Variants in ZBTB20 observed in about 807,000 individuals in gnomAD.
The protein encoded by ZBTB20 is zinc finger and BTB domain-containing protein 20.
Under a neutral mutation model 56.9 loss-of-function variants are expected in ZBTB20, and 9 were observed. That is an observed-to-expected ratio of 0.16 (90% CI 0.10 to 0.28). ZBTB20 has a LOEUF of 0.28. ZBTB20 is among the 10% of genes least tolerant of loss of function. The pLI, the probability that ZBTB20 is intolerant of heterozygous loss-of-function variation, is 1.00. For synonymous variants in ZBTB20, 417 were observed against 420.7 expected (o/e 0.99, Z 0.11); for missense variants, 655 against 1,003.0 (o/e 0.65, Z 4.69).
intron 11 of ZBTB20, among the ~76,000 whole-genome samples, chr3:114,349,092 T>C (rs747331748): frequency 1.9e-4 from 29 of 150,920 alleles, no homozygotes; most frequent in African/African-American, 2.7e-4. Flanking sequence ...CCCAGCTACT[T>C]GGGAGGCTGA....
At chr3:114,781,754 T>C (rs1354057840) in intron 5 of ZBTB20, among the ~76,000 whole-genome samples, 1 of 152,140 alleles carries the variant, frequency 6.6e-6, no homozygotes, top group Non-Finnish European at 1.5e-5. Context: ...AACTGAATCA[T>C]GGGGGCGGTT....
At chr3:114,743,850 A>T (rs566850389) in intron 5 of ZBTB20, 2 of 152,314 alleles carry the variant, frequency 1.3e-5, no homozygotes, top group East Asian at 3.9e-4. Flanking sequence ...GAAATTTCAA[A>T]ATTCTCTCAC....
At chr3:114,864,085 A>G (rs922921579) in intron 4 of ZBTB20, among the ~76,000 whole-genome samples, 2 of 152,106 alleles carry the variant, frequency 1.3e-5, no homozygotes, top group African/African-American at 2.4e-5. Flanking sequence ...AACTAGATAC[A>G]GGTGACAGAT....
chr3:114,846,048 A>G (rs2074685750), intron 4 of ZBTB20, among the ~76,000 whole-genome samples: 1 of 152,232 alleles, frequency 6.6e-6, no homozygotes, highest in Non-Finnish European at 1.5e-5. Flanking sequence ...TACCAGAGAT[A>G]TAGATAGGTG....
chr3:115,043,658 C>T (rs2081233681), intron 2 of ZBTB20, among the ~76,000 whole-genome samples: 1 of 149,284 alleles, frequency 6.7e-6, no homozygotes, highest in African/African-American at 2.5e-5. Flanking sequence ...GTAGTTGAAA[C>T]CAGAAAAAAA....
chr3:114,958,572 G>A (rs962656131), intron 3 of ZBTB20, among the ~76,000 whole-genome samples: 14 of 152,092 alleles, frequency 9.2e-5, no homozygotes, highest in Admixed American at 2.6e-4. Context: ...TTTGGGCTGG[G>A]CGCAGTGGCT....
chr3:114,457,090 C>T (rs1051499733), intron 7 of ZBTB20, among the ~76,000 whole-genome samples: 5 of 152,340 alleles, frequency 3.3e-5, no homozygotes, highest in African/African-American at 9.6e-5. Context: ...ATGGCAGATC[C>T]TTTGGCAAGC....
chr3:114,626,467 T>A (rs989783242), intron 6 of ZBTB20, among the ~76,000 whole-genome samples: 4 of 152,192 alleles, frequency 2.6e-5, no homozygotes, highest in Admixed American at 2.6e-4. Context: ...TATCATATCA[T>A]CTTTATAAGT....
At chr3:114,781,270 A>G (rs1485973020) in intron 5 of ZBTB20, among the ~76,000 whole-genome samples, 1 of 152,160 alleles carries the variant, frequency 6.6e-6, no homozygotes, top group Non-Finnish European at 1.5e-5. Context: ...AACAACAGTG[A>G]CTATTTACAA....
intron 6 of ZBTB20, among the ~76,000 whole-genome samples, chr3:114,501,897 T>C (rs1017842387): frequency 2.0e-5 from 3 of 151,398 alleles, no homozygotes; most frequent in Non-Finnish European, 1.5e-5. Context: ...TTAGTAGAAA[T>C]GGGGTTTGCC....
chr3:114,913,316 G>A (rs147183003), intron 3 of ZBTB20, among the ~76,000 whole-genome samples: 1,856 of 152,062 alleles, frequency 0.012, 42 homozygotes, highest in African/African-American at 0.041. Context: ...GTTTTGATTT[G>A]CATTTCTCTG....
intron 4 of ZBTB20, among the ~76,000 whole-genome samples, 171 bp from the exon 5 acceptor site, chr3:114,801,345 G>GA (rs978773621): frequency 2.1e-5 from 1 of 48,326 alleles, no homozygotes; most frequent in African/African-American, 8.1e-5. Flanking sequence ...AAAAAAAAAA[G>GA]AAAAAACCCT....
At chr3:115,051,938 C>T (rs1010871869) in intron 2 of ZBTB20, among the ~76,000 whole-genome samples, 4 of 151,922 alleles carry the variant, frequency 2.6e-5, no homozygotes, top group African/African-American at 7.3e-5. Context: ...AAGTGCTACA[C>T]ACTTTTAACC....
At chr3:114,524,377 G>A (rs903662327) in intron 6 of ZBTB20, among the ~76,000 whole-genome samples, 16 of 152,170 alleles carry the variant, frequency 1.1e-4, no homozygotes, top group African/African-American at 3.9e-4. Context: ...ATCATGAGAA[G>A]TTCAAGAAAT....
chr3:114,638,682 T>A (rs888274273), intron 6 of ZBTB20, among the ~76,000 whole-genome samples: 1 of 152,022 alleles, frequency 6.6e-6, no homozygotes, highest in African/African-American at 2.4e-5. Context: ...TTTGGATTAG[T>A]ATCAGAAAAG....
intron 3 of ZBTB20, among the ~76,000 whole-genome samples, chr3:114,925,655 C>T (rs748616662): frequency 2.0e-5 from 3 of 151,886 alleles, no homozygotes; most frequent in Non-Finnish European, 4.4e-5. Flanking sequence ...GCCTCCCGAG[C>T]AGCTGGGACT....
intron 3 of ZBTB20, among the ~76,000 whole-genome samples, chr3:114,948,484 GTAGTTA>G (rs1460632716): frequency 2.1e-5 from 3 of 146,122 alleles, no homozygotes; most frequent in Non-Finnish European, 2.9e-5. Context: ...AAATAAAACT[GTAGTTA>G]TTCACAGAAA....
chr3:114,820,795 C>T (rs2073195932), intron 4 of ZBTB20, among the ~76,000 whole-genome samples: 1 of 151,960 alleles, frequency 6.6e-6, no homozygotes, highest in African/African-American at 2.4e-5. Context: ...TGAATTAAAA[C>T]CCAAAGAAAA....
intron 2 of ZBTB20, among the ~76,000 whole-genome samples, chr3:114,993,968 C>A (rs1188965194): frequency 1.3e-5 from 2 of 151,610 alleles, no homozygotes; most frequent in South Asian, 2.1e-4. Context: ...AAAATTTGTT[C>A]TTTAAGAAGA....
Sources: allele counts gnomAD v4.1 joint callset (sites outside exome capture counted in the v4.1 genomes callset), GRCh38; gene constraint gnomAD v4.1.1; transcripts MANE v1.5; gene names NCBI Gene and HGNC (gene_info 2026-07-23, HGNC 2026-07-21).